ELK3: variants seen among roughly 807,000 people sequenced by gnomAD.
The protein encoded by ELK3 is ETS domain-containing protein Elk-3.
ELK3 carries 10 observed loss-of-function variants against 28.9 expected under a neutral mutation model. The observed-to-expected ratio is 0.35, with a 90% CI of 0.21 to 0.59. ELK3 has a LOEUF of 0.59. Ranked by LOEUF, ELK3 falls within the 20% of genes least tolerant of loss-of-function variation. The pLI, the probability that ELK3 is intolerant of heterozygous loss-of-function variation, is 0.82. For synonymous variants in ELK3, 272 were observed against 243.5 expected, an observed-to-expected ratio of 1.12 and a Z score of -1.09; for missense variants, 463 against 517.3, an observed-to-expected ratio of 0.90 and a Z score of 1.02.
chr12:96,266,255 C>G (rs919400273), intron 4 of ELK3, among the ~76,000 whole-genome samples: 2 of 152,152 alleles, frequency 1.3e-5, no homozygotes, highest in African/African-American at 4.8e-5. Flanking sequence ...ATATTTGGCG[C>G]TGAAGTTTAA....
intron 4 of ELK3, among the ~76,000 whole-genome samples, chr12:96,266,024 C>T (rs1343382671): frequency 1.3e-5 from 2 of 152,118 alleles, no homozygotes; most frequent in Admixed American, 1.3e-4. Flanking sequence ...GCTGTGTGAC[C>T]TTTAGCCAAC....
intron 4 of ELK3, among the ~76,000 whole-genome samples, chr12:96,266,732 A>C (rs901472540): frequency 1.9e-4 from 29 of 152,156 alleles, no homozygotes; most frequent in African/African-American, 7.0e-4. Flanking sequence ...TTTAATATTA[A>C]ACATTATTTT....
At chr12:96,213,883 A>G (rs2137007393) in intron 1 of ELK3, 1 of 147,312 alleles carries the variant, frequency 6.8e-6, no homozygotes, top group East Asian at 2.1e-4. Flanking sequence ...GTGTCACCAC[A>G]TCCAGCTAAC....
At chr12:96,196,498 G>A (rs981457121) in intron 1 of ELK3, among the ~76,000 whole-genome samples, 4 of 152,022 alleles carry the variant, frequency 2.6e-5, no homozygotes, top group Non-Finnish European at 5.9e-5. Flanking sequence ...AATACCCTCT[G>A]ATCTCTTTTT....
In ELK3 at chr12:96,246,898, C is replaced by T. The variant is rs770757217; in HGVS notation, c.208-42C>T. 88 of 1,541,290 alleles carry T rather than the reference C, an allele frequency of 5.7e-5. No individual in the cohort carries two copies. In the Middle Eastern group the frequency reaches 7.0e-4, roughly 12 times the overall value. On this transcript the variant is annotated intron_variant, in intron 2 of 4. Coordinates refer to ENST00000228741, the MANE Select transcript of ELK3 (RefSeq NM_005230.4). ...TATCATGAGCTCTTACATGGTTTCT[C>T]GGGTGCACTCAGATTTTCAACGTCT...
At chr12:96,204,170 T>TG (rs991781512) in intron 1 of ELK3, among the ~76,000 whole-genome samples, 128 of 147,300 alleles carry the variant, frequency 8.7e-4, no homozygotes, top group African/African-American at 2.5e-3. Flanking sequence ...CAATGTAAAG[T>TG]TTTTTTTTTT....
At chr12:96,257,018 T>C (rs570285282) in intron 3 of ELK3, among the ~76,000 whole-genome samples, 120 of 152,376 alleles carry the variant, frequency 7.9e-4, no homozygotes, top group African/African-American at 2.8e-3. Flanking sequence ...TGGCATCTCC[T>C]TTCCCAGCAG....
chr12:96,259,753 C>G lies in ELK3; in HGVS notation c.1025C>G (p.Thr342Ser). ...CAGACACCAAATGGATTGCTTCTGA[C>G]TCCGAGTCCACTGCTCTCCAGCATA... ...TAQTPNGLLL[T>S]PSPLLSSIHF... Residue 342 changes from threonine to serine, a missense_variant, in exon 4 of 5, where the codon ACT becomes AGT. Thr to Ser is a moderately conservative substitution (Grantham distance 58). Around this residue, in one of 2 missense-constraint regions of ELK3, gnomAD observed 408 missense variants for 414.8 expected, o/e 0.98. Coordinates refer to ENST00000228741, the MANE Select transcript of ELK3 (RefSeq NM_005230.4). 1 of 1,610,648 alleles carries G rather than the reference C, an allele frequency of 6.2e-7. No individual in the cohort carries two copies. Among genetic ancestry groups the G allele is most frequent in the Non-Finnish European group, 8.5e-7 (1 of 1,178,720 alleles).
At chr12:96,236,573 T>C (rs775072619) in intron 2 of ELK3, among the ~76,000 whole-genome samples, 1 of 152,018 alleles carries the variant, frequency 6.6e-6, no homozygotes, top group African/African-American at 2.4e-5. Flanking sequence ...CTGGAATGGG[T>C]GTGAGTGGGT....
intron 1 of ELK3, among the ~76,000 whole-genome samples, chr12:96,195,196 G>A (rs1184656778): frequency 1.3e-5 from 2 of 152,092 alleles, no homozygotes; most frequent in Admixed American, 6.5e-5. Flanking sequence ...CCCTCGAGTG[G>A]GCAAAGTGCA....
At chr12:96,258,211 G>A (rs1025766817) in intron 3 of ELK3, among the ~76,000 whole-genome samples, 35 of 152,220 alleles carry the variant, frequency 2.3e-4, no homozygotes, top group African/African-American at 7.2e-4. Flanking sequence ...TAACTGTTAG[G>A]CCAGATGGCC....
At chr12:96,219,917 C>T (rs553171380) in intron 1 of ELK3, among the ~76,000 whole-genome samples, 2 of 152,082 alleles carry the variant, frequency 1.3e-5, no homozygotes, top group Non-Finnish European at 2.9e-5. Context: ...AAGAGGAGAA[C>T]GAGGCCCTCA....
intron 1 of ELK3, among the ~76,000 whole-genome samples, chr12:96,212,405 T>C (rs1490322358): frequency 6.6e-6 from 1 of 152,222 alleles, no homozygotes; most frequent in Non-Finnish European, 1.5e-5. Flanking sequence ...TGTCCTTCCA[T>C]GTGAGACTCT....
Position 96,232,463 on chromosome 12 carries a change from C to T in ELK3, c.207+8690C>T, listed in dbSNP as rs376341991. Among the ~76,000 whole-genome samples, 8 of 151,358 alleles carry T rather than the reference C, an allele frequency of 5.3e-5. No individual in the cohort carries two copies. The South Asian group carries it at 8.3e-4, about 16-fold the overall frequency. On this transcript the variant is annotated intron_variant, in intron 2 of 4. Coordinates refer to ENST00000228741, the MANE Select transcript of ELK3 (RefSeq NM_005230.4). The stretch of plus-strand genomic sequence containing the variant: ...TGTGCGCCTATAAATCCCAGCTACT[C>T]GGGAGGCTGAGGCAGGAGAATTGCT...
intron 2 of ELK3, among the ~76,000 whole-genome samples, chr12:96,233,767 ACT>A (rs1951760149): frequency 6.6e-6 from 1 of 152,226 alleles, no homozygotes; most frequent in South Asian, 2.1e-4. Flanking sequence ...ATATCCCAGA[ACT>A]TTCTAGAACA....
At chr12:96,195,888 C>A (rs1338598979) in intron 1 of ELK3, among the ~76,000 whole-genome samples, 1 of 150,580 alleles carries the variant, frequency 6.6e-6, no homozygotes, top group African/African-American at 2.4e-5. Flanking sequence ...CCCGCCAGCC[C>A]CCTCCCACCC....
intron 1 of ELK3, among the ~76,000 whole-genome samples, chr12:96,216,973 A>T (rs374186271): frequency 2.6e-5 from 4 of 152,258 alleles, no homozygotes; most frequent in East Asian, 1.9e-4. Context: ...ATAGCTAAAC[A>T]GCTGGATGCG....
chr12:96,195,314 C>T (rs901308784), intron 1 of ELK3, among the ~76,000 whole-genome samples: 6 of 152,114 alleles, frequency 3.9e-5, no homozygotes, highest in Non-Finnish European at 8.8e-5. Context: ...TGGCAGGTGA[C>T]CCCCGCCCAG....
At chr12:96,262,691 T>C (rs1398682618) in intron 4 of ELK3, among the ~76,000 whole-genome samples, 1 of 152,190 alleles carries the variant, frequency 6.6e-6, no homozygotes, top group Non-Finnish European at 1.5e-5. Flanking sequence ...AATAGCAATT[T>C]TGAGAACGGT....
Sources: gnomAD v4.1 joint callset for allele counts (sites outside exome capture counted in the v4.1 genomes callset) on GRCh38, gnomAD v4.1.1 for gene constraint, gnomAD v4.1.1 regional missense constraint, MANE v1.5 for transcripts, NCBI Gene and HGNC (gene_info 2026-07-23, HGNC 2026-07-21) for gene names.